The following EEA1 variants were observed in gnomAD, a reference collection of about 807,000 sequenced individuals.
The protein encoded by EEA1 is early endosome antigen 1, also known as early endosome antigen 1, 162kD.
A neutral mutation model predicts 209.2 loss-of-function variants in EEA1; 111 were observed. That is an observed-to-expected ratio of 0.53 (90% CI 0.45 to 0.62). The LOEUF is 0.62. Ranked by LOEUF, EEA1 falls within the 20% of genes least tolerant of loss-of-function variation. The pLI is 0.00. For missense variants in EEA1, 1,343 were observed against 1,530.8 expected (o/e 0.88, Z 2.05); for synonymous variants, 536 against 540.6 (o/e 0.99, Z 0.12).
rs1449156074 is a variant in EEA1 at position 92,891,664 on chromosome 12, T to C, written c.82A>G (p.Asn28Asp). ...CTTTCATTATTGACGTCCACTGTGT[T>C]TATAGGAGTTGCTGATGAATCTAAA... The part of the protein sequence containing the change: ...SDLDSSATPI[N>D]TVDVNNESSS... The change falls in exon 2 of 29, where the codon AAC (asparagine) becomes GAC (aspartate). Residue 28 changes from asparagine to aspartate, a missense_variant. By Grantham distance (23) the Asn-to-Asp change is conservative (BLOSUM62 1). Coordinates refer to ENST00000322349, the MANE Select transcript of EEA1 (RefSeq NM_003566.4). 6.2e-7 allele frequency: 1 copy of C among 1,611,708 alleles called. No homozygotes were observed. Among genetic ancestry groups the C allele is most frequent in the Non-Finnish European group, 8.5e-7 (1 of 1,179,348 alleles).
At chr12:92,859,073 C>T (rs1490982718) in intron 3 of EEA1, 3 of 771,196 alleles carry the variant, frequency 3.9e-6, no homozygotes, top group East Asian at 2.5e-5. Context: ...CATCCATTAT[C>T]TATCTCTGTT....
At chr12:92,822,915 G>A (rs1876124241) in intron 13 of EEA1, among the ~76,000 whole-genome samples, 1 of 151,964 alleles carries the variant, frequency 6.6e-6, no homozygotes, top group African/African-American at 2.4e-5. Flanking sequence ...CACTAACACA[G>A]CTGATGACAC....
intron 10 of EEA1, among the ~76,000 whole-genome samples, chr12:92,834,645 T>C (rs1290454686): frequency 6.7e-6 from 1 of 150,150 alleles, no homozygotes; most frequent in African/African-American, 2.4e-5. Flanking sequence ...CAAAATTAGC[T>C]ACAAGATGTG....
At chr12:92,879,397 A>T (rs939054021) in intron 2 of EEA1, 2 of 439,330 alleles carry the variant, frequency 4.6e-6, no homozygotes, top group Non-Finnish European at 4.5e-6. Context: ...AGCAAGACCA[A>T]GTGGAGCTTA....
At chr12:92,825,355 G>A (rs745568269) in intron 13 of EEA1, among the ~76,000 whole-genome samples, 3 of 152,016 alleles carry the variant, frequency 2.0e-5, no homozygotes, top group Non-Finnish European at 2.9e-5. Context: ...CCGGGAGGCT[G>A]AGGCAGGAGA....
chr12:92,843,893 A>G (rs1006017007), intron 9 of EEA1, among the ~76,000 whole-genome samples: 3 of 152,164 alleles, frequency 2.0e-5, no homozygotes, highest in African/African-American at 7.2e-5. Flanking sequence ...TATCACGGCA[A>G]CAATGCTATT....
At chr12:92,838,292 TATCAA>T (rs1458631138) in intron 10 of EEA1, among the ~76,000 whole-genome samples, 11 of 152,176 alleles carry the variant, frequency 7.2e-5, no homozygotes, top group Admixed American at 7.2e-4. Flanking sequence ...CAGCTATCAA[TATCAA>T]ATCATGTCCT....
intron 2 of EEA1, among the ~76,000 whole-genome samples, chr12:92,880,009 C>G (rs187647079): frequency 3.6e-4 from 55 of 152,374 alleles, no homozygotes; most frequent in Admixed American, 2.0e-3. Context: ...ACTCTTGATA[C>G]TACCAAGCCT....
chr12:92,826,143 C>A (rs1389569989), intron 13 of EEA1, 23 bp downstream of exon 13: 1 of 1,610,040 alleles, frequency 6.2e-7, no homozygotes, highest in Non-Finnish European at 8.5e-7. Context: ...GTTTACAAGG[C>A]TAATAACGCA....
chr12:92,879,320 T>G, intron 2 of EEA1: 1 of 446,730 alleles, frequency 2.2e-6, no homozygotes, highest in Non-Finnish European at 4.5e-6. Flanking sequence ...TTTGGAATTT[T>G]GCAGCATTTC....
chr12:92,846,052 A>G (rs12312929), intron 9 of EEA1, among the ~76,000 whole-genome samples: 223 of 152,334 alleles, frequency 1.5e-3, no homozygotes, highest in African/African-American at 5.2e-3. Context: ...CTGCTGGTGC[A>G]TTAGAATTAA....
chr12:92,895,442 G>C (rs1468140203), intron 1 of EEA1: 1 of 153,524 alleles, frequency 6.5e-6, no homozygotes, highest in Non-Finnish European at 1.5e-5. Flanking sequence ...AGGGATTACA[G>C]GTGTGAGCCA....
chr12:92,801,447 T>C (rs1874902910), intron 20 of EEA1, among the ~76,000 whole-genome samples, 153 bp downstream of exon 20: 1 of 151,834 alleles, frequency 6.6e-6, no homozygotes, highest in Admixed American at 6.6e-5. Context: ...ATGACCTAAA[T>C]ATCAGTATGA....
At chr12:92,817,083 A>T (rs922453281) in intron 14 of EEA1, among the ~76,000 whole-genome samples, 1 of 151,050 alleles carries the variant, frequency 6.6e-6, no homozygotes, top group Non-Finnish European at 1.5e-5. Flanking sequence ...AAAAATTAAA[A>T]TTTTTTCAGC....
chr12:92,823,212 T>A (rs1487516752), intron 13 of EEA1, among the ~76,000 whole-genome samples: 1 of 152,152 alleles, frequency 6.6e-6, no homozygotes, highest in Non-Finnish European at 1.5e-5. Context: ...CAAATCTGAC[T>A]ATGGCAATTC....
intron 2 of EEA1, among the ~76,000 whole-genome samples, chr12:92,866,661 G>A (rs866292434): frequency 2.6e-5 from 4 of 152,192 alleles, no homozygotes; most frequent in Admixed American, 2.0e-4. Context: ...AGCTATCACT[G>A]ACATGCTGAT....
At chr12:92,853,656 C>A (rs1298204987) in intron 6 of EEA1, among the ~76,000 whole-genome samples, 1 of 151,982 alleles carries the variant, frequency 6.6e-6, no homozygotes, top group African/African-American at 2.4e-5. Context: ...ATTAAACAAC[C>A]ATATTAATGT....
chr12:92,853,866 A>G (rs756988467), intron 6 of EEA1, 49 bp downstream of exon 6: 1 of 1,542,874 alleles, frequency 6.5e-7, no homozygotes. Flanking sequence ...AGGAAAACAA[A>G]TAAGAAGAAA....
chr12:92,836,697 C>T (rs2136697190), intron 10 of EEA1, among the ~76,000 whole-genome samples: 1 of 152,268 alleles, frequency 6.6e-6, no homozygotes. Context: ...TGCTCCTTAG[C>T]AACCTTAAAG....
Sources: gnomAD v4.1 joint callset for allele counts (sites outside exome capture counted in the v4.1 genomes callset) on GRCh38, gnomAD v4.1.1 for gene constraint, MANE v1.5 for transcripts, NCBI Gene and HGNC (gene_info 2026-07-23, HGNC 2026-07-21) for gene names.